Variants in ANO3 observed in about 807,000 individuals in gnomAD.
The protein encoded by ANO3 is anoctamin-3.
ANO3 carries 99 observed loss-of-function variants against 144.8 expected under a neutral mutation model. The observed-to-expected ratio is 0.68, with a 90% CI of 0.58 to 0.81. The LOEUF is 0.81. Ranked by LOEUF, ANO3 falls within the 30% of genes least tolerant of loss-of-function variation. The pLI, the probability that ANO3 is intolerant of heterozygous loss-of-function variation, is 0.00. For synonymous variants in ANO3, 414 were observed against 392.6 expected (o/e 1.05, Z -0.64); for missense variants, 905 against 1,202.2 (o/e 0.75, Z 3.66).
chr11:26,421,017 T>C (rs1857735819), intron 1 of ANO3, among the ~76,000 whole-genome samples: 1 of 152,050 alleles, frequency 6.6e-6, no homozygotes, highest in Non-Finnish European at 1.5e-5. Flanking sequence ...TTTCAGGTTC[T>C]AACACTTCCT....
intron 1 of ANO3, among the ~76,000 whole-genome samples, chr11:26,223,602 T>TTAAAA (rs1852194211): frequency 9.6e-6 from 1 of 103,882 alleles, no homozygotes; most frequent in African/African-American, 3.6e-5. Context: ...AGCTTTTTAA[T>TTAAAA]AAAAAAAAAA....
upstream of ANO3, among the ~76,000 whole-genome samples, chr11:26,330,474 A>G (rs1190112246): frequency 1.3e-5 from 2 of 152,150 alleles, no homozygotes; most frequent in African/African-American, 4.8e-5. Context: ...CTCTTATTGA[A>G]TGCTCAGCAT....
intron 1 of ANO3, among the ~76,000 whole-genome samples, chr11:26,207,376 T>C (rs1431574955): frequency 6.6e-6 from 1 of 152,210 alleles, no homozygotes; most frequent in Non-Finnish European, 1.5e-5. Context: ...AACTCTTTTC[T>C]GTACTTACGG....
intron 20 of ANO3, among the ~76,000 whole-genome samples, chr11:26,637,429 A>G (rs984765240): frequency 2.0e-5 from 3 of 152,176 alleles, no homozygotes; most frequent in East Asian, 3.9e-4. Flanking sequence ...GGAAATGGGG[A>G]CAAGCCTTTC....
chr11:26,453,911 G>A (rs1859046039), intron 3 of ANO3, among the ~76,000 whole-genome samples: 1 of 152,072 alleles, frequency 6.6e-6, no homozygotes, highest in South Asian at 2.1e-4. Context: ...TAGAACTCAG[G>A]ATTAAGAAAC....
intron 1 of ANO3, among the ~76,000 whole-genome samples, chr11:26,439,818 C>T (rs1315214120): frequency 2.0e-5 from 3 of 152,102 alleles, no homozygotes; most frequent in Non-Finnish European, 4.4e-5. Flanking sequence ...TGATAACATT[C>T]ATTTCATTTA....
At chr11:26,363,667 A>G (rs1302381401) in intron 1 of ANO3, among the ~76,000 whole-genome samples, 2 of 152,146 alleles carry the variant, frequency 1.3e-5, no homozygotes, top group Non-Finnish European at 2.9e-5. Flanking sequence ...TCAGTCAATA[A>G]CAGAGTCCAC....
At chr11:26,458,429 A>G (rs1407709444) in intron 3 of ANO3, among the ~76,000 whole-genome samples, 1 of 152,136 alleles carries the variant, frequency 6.6e-6, no homozygotes, top group Admixed American at 6.6e-5. Context: ...AGAGAGGACT[A>G]CCACTACCTA....
chr11:26,365,470 C>T (rs1459331060), intron 1 of ANO3, among the ~76,000 whole-genome samples: 3 of 152,234 alleles, frequency 2.0e-5, no homozygotes, highest in African/African-American at 7.2e-5. Flanking sequence ...TAGAGGTTCT[C>T]TGTGAGGGCT....
intron 14 of ANO3, among the ~76,000 whole-genome samples, chr11:26,562,656 C>T (rs758288263): frequency 3.7e-4 from 56 of 151,704 alleles, no homozygotes; most frequent in African/African-American, 1.0e-3. Context: ...TGTTTTAGAG[C>T]CTCATTAAGA....
chr11:26,386,243 A>G (rs1856727786), intron 1 of ANO3, among the ~76,000 whole-genome samples: 1 of 152,198 alleles, frequency 6.6e-6, no homozygotes, highest in Non-Finnish European at 1.5e-5. Flanking sequence ...AACCCAGTGA[A>G]TAAGTAGGAA....
In ANO3 at chr11:26,245,018, T is replaced by TGTGTGTGTGTGTGTGCGC. The variant is rs151031559; in HGVS notation, c.154+55691_154+55692insTGTGTGTGTGTGCGCGTG. Among the ~76,000 whole-genome samples, 401 of 145,414 alleles carry TGTGTGTGTGTGTGTGCGC rather than the reference T, an allele frequency of 2.8e-3. 7 individuals are homozygous for TGTGTGTGTGTGTGTGCGC. The highest frequency in any genetic ancestry group is 9.8e-3 in the African/African-American group (389 of 39,528). ...GTGTGTGTGTGTGTGTGTGTGTGTG[T>TGTGTGTGTGTGTGTGCGC]GTGCATGCATGCATTTGTCTTTCAT... is the stretch of plus-strand genomic sequence containing the variant. On this transcript the variant is annotated intron_variant, in intron 1 of 27. Coordinates refer to the ANO3 transcript ENST00000672621.
At chr11:26,303,214 A>C (rs11029508) in intron 1 of ANO3, among the ~76,000 whole-genome samples, 5,457 of 152,260 alleles carry the variant, frequency 0.036, 153 homozygotes, top group East Asian at 0.12. Context: ...AGGAAAATAA[A>C]TCGTTCTGCC....
upstream of ANO3, among the ~76,000 whole-genome samples, chr11:26,304,744 C>T (rs1247719989): frequency 6.6e-6 from 1 of 152,058 alleles, no homozygotes; most frequent in Non-Finnish European, 1.5e-5. Context: ...TTCAATTTTT[C>T]AATGTTACAC....
chr11:26,208,512 C>CAAAAAAAAAAAAAAAA (rs67196052), intron 1 of ANO3, among the ~76,000 whole-genome samples: 121 of 121,702 alleles, frequency 9.9e-4, no homozygotes, highest in African/African-American at 4.0e-3. Flanking sequence ...GACTCCGTCT[C>CAAAAAAAAAAAAAAAA]AAAAAAAAAA....
chr11:26,383,888 C>CTTTTTTTT lies in ANO3; in HGVS notation c.46+51587_46+51594dup, dbSNP rs61094091. 1.4e-3 allele frequency among the ~76,000 whole-genome samples: 101 copies of CTTTTTTTT among 70,172 alleles called. 16 individuals are homozygous for CTTTTTTTT. Among genetic ancestry groups the CTTTTTTTT allele is most frequent in the Middle Eastern group, 0.019 (1 of 54 alleles). 46.0% of individuals were successfully genotyped at this position (70,172 alleles called of 152,430 possible). On this transcript the variant is annotated intron_variant, in intron 1 of 26. Transcript: ENST00000256737. ...CATTGTTCTTGTGCCATGCATTGTTCTTTTTTTTTTTTTTTTTTTTTTTTT... is the reference window on the plus strand; with the variant it reads ...CATTGTTCTTGTGCCATGCATTGTTCTTTTTTTTTTTTTTTTTTTTTTTTTTTTTTTTT...
At chr11:26,365,680 G>T (rs573732122) in intron 1 of ANO3, among the ~76,000 whole-genome samples, 55 of 152,286 alleles carry the variant, frequency 3.6e-4, no homozygotes, top group Middle Eastern at 3.4e-3. Context: ...TTGAGCTGAG[G>T]CTGAAGCCAG....
intron 17 of ANO3, among the ~76,000 whole-genome samples, chr11:26,608,121 G>C (rs544072209): frequency 6.6e-6 from 1 of 152,234 alleles, no homozygotes; most frequent in East Asian, 1.9e-4. Flanking sequence ...GGTTTTTGTA[G>C]GGACTTTTTT....
At chr11:26,514,083 G>A (rs1467252003) in intron 5 of ANO3, among the ~76,000 whole-genome samples, 1 of 146,506 alleles carries the variant, frequency 6.8e-6, no homozygotes, top group Non-Finnish European at 1.5e-5. Context: ...ACTACAGAAA[G>A]AGTTTTTTTT....
Sources: gnomAD v4.1 joint callset for allele counts (sites outside exome capture counted in the v4.1 genomes callset) on GRCh38, gnomAD v4.1.1 for gene constraint, MANE v1.5 for transcripts, NCBI Gene and HGNC (gene_info 2026-07-23, HGNC 2026-07-21) for gene names.